Variants in NPTN observed in about 807,000 individuals in gnomAD.
NPTN encodes neuroplastin, also known as SDR-1.
In NPTN, 5 loss-of-function variants were observed where a neutral mutation model predicts 42.7. The observed-to-expected ratio is 0.12, with a 90% CI of 0.06 to 0.25. The LOEUF (loss-of-function observed/expected upper bound fraction) is 0.25, where lower values mean the gene tolerates loss of function less well. Among genes scored for constraint, NPTN ranks in the 10% least tolerant of loss-of-function variants. The pLI is 1.00. For synonymous variants in NPTN, 180 were observed against 201.9 expected (o/e 0.89, Z 0.92); for missense variants, 307 against 525.4 (o/e 0.58, Z 4.06).
intron 1 of NPTN, among the ~76,000 whole-genome samples, chr15:73,601,119 G>A (rs1356931220): frequency 1.3e-5 from 2 of 152,166 alleles, no homozygotes; most frequent in African/African-American, 4.8e-5. Context: ...CATACATAGG[G>A]CAGGTGCGGA....
intron 1 of NPTN, among the ~76,000 whole-genome samples, chr15:73,615,425 A>T (rs1897816804): frequency 6.6e-6 from 1 of 152,158 alleles, no homozygotes; most frequent in Non-Finnish European, 1.5e-5. Flanking sequence ...TGCTTTTGCC[A>T]TTCTACACAG....
intron 4 of NPTN, among the ~76,000 whole-genome samples, chr15:73,582,834 T>C (rs1253618887): frequency 6.6e-6 from 1 of 152,168 alleles, no homozygotes; most frequent in Non-Finnish European, 1.5e-5. Flanking sequence ...TGGAAATCAC[T>C]TCCTGCAATA....
At chr15:73,610,529 A>G (rs1270539050) in intron 1 of NPTN, among the ~76,000 whole-genome samples, 1 of 152,220 alleles carries the variant, frequency 6.6e-6, no homozygotes, top group Non-Finnish European at 1.5e-5. Flanking sequence ...GCTAACGCAT[A>G]ATCCCAACCA....
At chr15:73,604,203 C>G (rs893290573) in intron 1 of NPTN, among the ~76,000 whole-genome samples, 6 of 152,162 alleles carry the variant, frequency 3.9e-5, no homozygotes, top group African/African-American at 1.4e-4. Context: ...GCCGCTCACA[C>G]TCATAATCTC....
At position 73,560,145 on chromosome 15, in the gene NPTN, T is replaced by G; in HGVS notation, c.*918A>C. On this transcript the variant is annotated 3_prime_UTR_variant, in exon 9 of 9. Coordinates refer to ENST00000345330, the MANE Select transcript of NPTN (RefSeq NM_012428.4). ...ACGCACCGCATGAGAACCGTTAGGTTATAAAATCTATCATCAACCAGTAAA... is the reference window on the plus strand; with the variant it reads ...ACGCACCGCATGAGAACCGTTAGGTGATAAAATCTATCATCAACCAGTAAA... 1 of 362,466 alleles carries G rather than the reference T, an allele frequency of 2.8e-6. No individual in the cohort carries two copies. The highest frequency in any genetic ancestry group is 4.9e-6 in the Non-Finnish European group (1 of 205,238). The allele number at this position is 362,466 out of a possible 1,614,324, so 22.5% of individuals were successfully genotyped here. A position where few individuals can be genotyped will look rare whatever the true frequency, so the allele number is the denominator to read the frequency against.
chr15:73,572,113 T>G (rs535528052), intron 5 of NPTN, among the ~76,000 whole-genome samples: 1 of 152,206 alleles, frequency 6.6e-6, no homozygotes, highest in African/African-American at 2.4e-5. Flanking sequence ...ATCGCTGATG[T>G]TGGAGTCATT....
intron 6 of NPTN, chr15:73,568,787 G>C: frequency 3.0e-6 from 3 of 985,432 alleles, no homozygotes; most frequent in Non-Finnish European, 3.6e-6. Flanking sequence ...TCTGGAGGGA[G>C]TCACCAGATA....
At chr15:73,592,715 T>C (rs1345541472) in intron 2 of NPTN, among the ~76,000 whole-genome samples, 2 of 152,216 alleles carry the variant, frequency 1.3e-5, no homozygotes, top group Non-Finnish European at 2.9e-5. Flanking sequence ...ATTTTCCAAA[T>C]TTTGTGGAGG....
chr15:73,574,370 G>A (rs1376913803), intron 4 of NPTN, among the ~76,000 whole-genome samples: 1 of 152,146 alleles, frequency 6.6e-6, no homozygotes, highest in Non-Finnish European at 1.5e-5. Context: ...TCACAAGGAG[G>A]AAGAAAGGAA....
chr15:73,611,986 T>C (rs1595955405), intron 1 of NPTN, among the ~76,000 whole-genome samples: 2 of 152,226 alleles, frequency 1.3e-5, no homozygotes, highest in African/African-American at 4.8e-5. Context: ...GAGGTTTATT[T>C]GCACTTGACA....
chr15:73,566,180 C>T (rs571451677), intron 6 of NPTN, among the ~76,000 whole-genome samples: 59 of 152,332 alleles, frequency 3.9e-4, no homozygotes, highest in African/African-American at 1.3e-3. Flanking sequence ...AGACCAGACA[C>T]CGAATGCATG....
At chr15:73,617,003 C>T (rs1897894504) in intron 1 of NPTN, among the ~76,000 whole-genome samples, 1 of 152,150 alleles carries the variant, frequency 6.6e-6, no homozygotes. Flanking sequence ...AGAATGCAGT[C>T]ACTATCAACA....
chr15:73,568,678 C>T (rs1895183904), intron 6 of NPTN: 8 of 985,502 alleles, frequency 8.1e-6, no homozygotes, highest in Non-Finnish European at 9.6e-6. Flanking sequence ...CATGGGGACA[C>T]TCCCAGGTTG....
chr15:73,590,526 C>T (rs1896535528), intron 3 of NPTN, among the ~76,000 whole-genome samples: 1 of 151,772 alleles, frequency 6.6e-6, no homozygotes, highest in Admixed American at 6.6e-5. Context: ...CTTCGAGAGG[C>T]CAAGGTGGGG....
chr15:73,618,969 C>T (rs1396711316), intron 1 of NPTN, among the ~76,000 whole-genome samples: 1 of 149,744 alleles, frequency 6.7e-6, no homozygotes, highest in East Asian at 2.0e-4. Flanking sequence ...TGAGACAGGA[C>T]GATTGCTTGA....
chr15:73,596,873 A>G (rs1239490477), intron 2 of NPTN, 149 bp downstream of exon 2: 1 of 671,322 alleles, frequency 1.5e-6, no homozygotes. Flanking sequence ...ATACACTACA[A>G]CCAGAAGGGT....
Position 73,633,191 on chromosome 15 carries a change from C to T in NPTN, c.25G>A (p.Ala9Thr), listed in dbSNP as rs1256531005. 17 of 1,529,550 alleles carry T rather than the reference C, an allele frequency of 1.1e-5. No individual in the cohort carries two copies. The highest frequency in any genetic ancestry group is 4.4e-6 in the Non-Finnish European group (5 of 1,143,646). 94.7% of individuals were successfully genotyped at this position (1,529,550 alleles called of 1,614,324 possible). A position where few individuals can be genotyped will look rare whatever the true frequency, so the allele number is the denominator to read the frequency against. MSGSSLPS[A>T]LALSLLLVSG... ...ACCAGCAACAGCGAGAGGGCCAGGG[C>T]GCTGGGCAGCGACGAACCCGACATC... The change falls in exon 1 of 9, where the codon GCC becomes ACC. Residue 9 changes from alanine to threonine, a missense_variant. Coordinates refer to ENST00000345330, the MANE Select transcript of NPTN (RefSeq NM_012428.4).
intron 1 of NPTN, among the ~76,000 whole-genome samples, chr15:73,623,566 G>A (rs1222560957): frequency 2.0e-5 from 3 of 151,986 alleles, no homozygotes; most frequent in East Asian, 3.9e-4. Context: ...ATGCGCCTGT[G>A]GTCCCAGCTA....
chr15:73,568,183 A>C, intron 6 of NPTN: 1 of 985,442 alleles, frequency 1.0e-6, no homozygotes, highest in Non-Finnish European at 1.2e-6. Context: ...TCTCAAATCT[A>C]ACCTACCACA....
Sources: allele counts gnomAD v4.1 joint callset (sites outside exome capture counted in the v4.1 genomes callset), GRCh38; gene constraint gnomAD v4.1.1; transcripts MANE v1.5; gene names NCBI Gene and HGNC (gene_info 2026-07-23, HGNC 2026-07-21).